Variants in ABCD3 observed in about 807,000 individuals in gnomAD.
ABCD3 encodes ATP-binding cassette sub-family D member 3.
A neutral mutation model predicts 105.5 loss-of-function variants in ABCD3; 41 were observed. The observed-to-expected ratio is 0.39, with a 90% confidence interval of 0.30 to 0.50. The LOEUF (loss-of-function observed/expected upper bound fraction) is 0.50, where lower values mean the gene tolerates loss of function less well. Among genes scored for constraint, ABCD3 ranks in the 20% least tolerant of loss-of-function variants. ABCD3 has a pLI of 0.84. For synonymous variants in ABCD3, 258 were observed against 269.0 expected (o/e 0.96, Z 0.40); for missense variants, 622 against 806.3 (o/e 0.77, Z 2.77).
At chr1:94,395,537 G>A in the ABCD3 span, among the ~76,000 whole-genome samples, 5 of 152,134 alleles carry the variant, frequency 3.3e-5, no homozygotes, top group African/African-American at 7.2e-5. Context: ...GAATAAGTCC[G>A]TCAGCCTTTT....
chr1:94,387,454 C>G, the ABCD3 span, among the ~76,000 whole-genome samples: 1 of 152,174 alleles, frequency 6.6e-6, no homozygotes, highest in Non-Finnish European at 1.5e-5. Flanking sequence ...TCTCTCCTCT[C>G]TCCATATTTC....
intron 21 of ABCD3, chr1:94,514,843 CCTT>C (rs1650850649): frequency 3.2e-6 from 1 of 308,514 alleles, no homozygotes; most frequent in Non-Finnish European, 6.1e-6. Context: ...CTATTTTTAT[CCTT>C]CTCATATTCC....
At chr1:94,483,454 C>A (rs1019445902) in intron 10 of ABCD3, among the ~76,000 whole-genome samples, 2 of 151,862 alleles carry the variant, frequency 1.3e-5, no homozygotes, top group African/African-American at 4.8e-5. Flanking sequence ...TATTCAAGTG[C>A]CCATTTATAA....
the ABCD3 span, among the ~76,000 whole-genome samples, chr1:94,410,925 C>T: frequency 6.6e-6 from 1 of 152,128 alleles, no homozygotes; most frequent in South Asian, 2.1e-4. Flanking sequence ...GCTGGATATC[C>T]ACATGCCAAA....
intron 5 of ABCD3, among the ~76,000 whole-genome samples, chr1:94,474,081 G>A (rs1394368952): frequency 6.7e-6 from 1 of 148,788 alleles, no homozygotes; most frequent in Admixed American, 6.8e-5. Context: ...TGTGGGTGAG[G>A]GGTTTTTTGG....
intron 18 of ABCD3, 43 bp downstream of exon 18, chr1:94,498,891 G>C (rs1284035878): frequency 1.2e-6 from 2 of 1,610,204 alleles, no homozygotes; most frequent in African/African-American, 2.7e-5. Context: ...AGATCTTTTT[G>C]TTTATTTATT....
intron 3 of ABCD3, among the ~76,000 whole-genome samples, chr1:94,466,499 A>T (rs1485826284): frequency 6.6e-6 from 1 of 152,062 alleles, no homozygotes; most frequent in South Asian, 2.1e-4. Context: ...TTTTAATACC[A>T]TCTGCTTAGG....
intron 21 of ABCD3, among the ~76,000 whole-genome samples, chr1:94,507,793 T>G: frequency 6.7e-6 from 1 of 148,228 alleles, no homozygotes; most frequent in African/African-American, 2.5e-5. Flanking sequence ...TGTCTTCTTT[T>G]GAGAAGTGTC....
chr1:94,453,499 TA>T (rs1229635490), intron 1 of ABCD3, among the ~76,000 whole-genome samples: 6 of 151,880 alleles, frequency 4.0e-5, no homozygotes, highest in Non-Finnish European at 8.8e-5. Flanking sequence ...TTTGTATTTT[TA>T]GTAGAGATGG....
the ABCD3 span, among the ~76,000 whole-genome samples, chr1:94,402,096 A>T: frequency 6.6e-6 from 1 of 152,088 alleles, no homozygotes; most frequent in Admixed American, 6.5e-5. Flanking sequence ...TTTTTGTGAG[A>T]TTCATTCATG....
chr1:94,415,395 T>C (rs1230318408), upstream of ABCD3, among the ~76,000 whole-genome samples: 1 of 152,192 alleles, frequency 6.6e-6, no homozygotes, highest in Non-Finnish European at 1.5e-5. Flanking sequence ...CTTGGAGATC[T>C]CCCCCATAAA....
the ABCD3 span, among the ~76,000 whole-genome samples, chr1:94,398,910 G>T: frequency 2.0e-5 from 3 of 151,786 alleles, no homozygotes; most frequent in Non-Finnish European, 4.4e-5. Flanking sequence ...GACAGAGTGA[G>T]ACTCCGTCTC....
chr1:94,506,708 C>A, intron 21 of ABCD3, 66 bp downstream of exon 21: 3 of 1,193,658 alleles, frequency 2.5e-6, no homozygotes, highest in Non-Finnish European at 3.7e-6. Context: ...ATGTCCAAAT[C>A]TGTCCAAAGA....
rs35010583 is a variant in ABCD3, at chr1:94,432,861, C to CTT, written c.110+14283_110+14284dup. On this transcript the variant is annotated intron_variant, in intron 1 of 22. Coordinates refer to ENST00000370214, the MANE Select transcript of ABCD3 (RefSeq NM_002858.4). ...ATGCACTGTTAGGCAAATTTTTTTTCTTTTTTTTTTTGAGACGGAGTCTCA... is the reference window on the plus strand; with the variant it reads ...ATGCACTGTTAGGCAAATTTTTTTTCTTTTTTTTTTTTTGAGACGGAGTCTCA... Among the ~76,000 whole-genome samples the CTT allele has an allele frequency of 4.0e-3, 591 of 148,378 alleles. 3 individuals are homozygous for CTT. The highest frequency in any genetic ancestry group is 9.4e-3 in the African/African-American group (382 of 40,700).
intron 4 of ABCD3, among the ~76,000 whole-genome samples, chr1:94,469,131 C>T (rs954208880): frequency 3.9e-5 from 6 of 152,228 alleles, no homozygotes; most frequent in East Asian, 1.9e-4. Flanking sequence ...ACTGTCATTA[C>T]GTGGAGCCGG....
At chr1:94,464,971 T>C in intron 3 of ABCD3, 98 bp downstream of exon 3, 1 of 1,035,520 alleles carries the variant, frequency 9.7e-7, no homozygotes, top group Non-Finnish European at 1.5e-6. Context: ...TTTAATTGGC[T>C]CCTGGATCTG....
the ABCD3 span, among the ~76,000 whole-genome samples, chr1:94,407,143 T>C: frequency 6.6e-6 from 1 of 152,240 alleles, no homozygotes; most frequent in South Asian, 2.1e-4. Flanking sequence ...TATTGAAACA[T>C]CCTTTTGTTT....
chr1:94,444,538 G>T (rs149096718), intron 1 of ABCD3, among the ~76,000 whole-genome samples: 2 of 152,172 alleles, frequency 1.3e-5, no homozygotes, highest in African/African-American at 4.8e-5. Context: ...ACGCATTTAA[G>T]GTTATAAAGT....
chr1:94,430,252 G>A (rs1002209571), intron 1 of ABCD3, among the ~76,000 whole-genome samples: 9 of 143,286 alleles, frequency 6.3e-5, no homozygotes, highest in African/African-American at 1.7e-4. Flanking sequence ...TTACAGGCTC[G>A]TGGGCAGGTC....
Sources: allele counts gnomAD v4.1 joint callset (sites outside exome capture counted in the v4.1 genomes callset), GRCh38; gene constraint gnomAD v4.1.1; transcripts MANE v1.5; gene names NCBI Gene and HGNC (gene_info 2026-07-23, HGNC 2026-07-21).